Variants in KATNAL1 observed in about 807,000 individuals in gnomAD.
The protein encoded by KATNAL1 is katanin catalytic subunit A1 like 1, also known as katanin p60 ATPase-containing subunit A-like 1.
A neutral mutation model predicts 55.2 loss-of-function variants in KATNAL1; 32 were observed. The ratio of observed to expected loss-of-function variants is 0.58; its 90% CI spans 0.44 to 0.78. The LOEUF is 0.78. Among genes scored for constraint, KATNAL1 ranks in the 30% least tolerant of loss-of-function variants. KATNAL1 has a pLI of 0.00. For missense variants in KATNAL1, 466 were observed against 600.9 expected (o/e 0.78, Z 2.35); for synonymous variants, 193 against 193.6 (o/e 1.00, Z 0.02).
intron 3 of KATNAL1, among the ~76,000 whole-genome samples, chr13:30,257,141 A>G (rs542054573): frequency 2.0e-5 from 3 of 152,112 alleles, no homozygotes; most frequent in Admixed American, 2.0e-4. Flanking sequence ...AAATTGCTCT[A>G]TTTCTAGTAT....
chr13:30,257,180 A>T (rs1307821857), intron 3 of KATNAL1, among the ~76,000 whole-genome samples: 5 of 147,102 alleles, frequency 3.4e-5, no homozygotes, highest in Non-Finnish European at 7.5e-5. Context: ...TTTTGACCTA[A>T]TTTTTTTTTT....
chr13:30,219,732 G>T (rs1874658765), intron 9 of KATNAL1, among the ~76,000 whole-genome samples: 1 of 152,114 alleles, frequency 6.6e-6, no homozygotes. Flanking sequence ...ATGATCATAA[G>T]GTACACACCT....
intron 3 of KATNAL1, among the ~76,000 whole-genome samples, chr13:30,274,921 A>ACACC (rs1566122642): frequency 1.3e-5 from 2 of 148,228 alleles, no homozygotes; most frequent in African/African-American, 2.5e-5. Context: ...ACACACACAC[A>ACACC]CACACACACA....
intron 3 of KATNAL1, among the ~76,000 whole-genome samples, chr13:30,269,688 C>A (rs1050831766): frequency 6.6e-6 from 1 of 151,644 alleles, no homozygotes; most frequent in African/African-American, 2.4e-5. Context: ...CGGCCGCGAC[C>A]CCGTCTGGGA....
rs919382540 is a variant in KATNAL1, at chr13:30,204,432, G to C, written c.*4108C>G. ...TAGTCCTTCATTTTATCTCAAGTTAGGGTGGGGGGAAAGTGAATCACAGCT... is the reference window on the plus strand; with the variant it reads ...TAGTCCTTCATTTTATCTCAAGTTACGGTGGGGGGAAAGTGAATCACAGCT... On this transcript the variant is annotated 3_prime_UTR_variant, in exon 11 of 11. Coordinates refer to ENST00000380615, the MANE Select transcript of KATNAL1 (RefSeq NM_032116.5). 1.3e-5 allele frequency: 2 copies of C among 151,648 alleles called. No homozygotes were observed. Among genetic ancestry groups the C allele is most frequent in the African/African-American group, 4.8e-5 (2 of 41,310 alleles). 9.4% of individuals were successfully genotyped at this position (151,648 alleles called of 1,614,324 possible).
intron 9 of KATNAL1, among the ~76,000 whole-genome samples, chr13:30,214,276 T>C (rs533025314): frequency 4.8e-4 from 73 of 152,206 alleles, no homozygotes; most frequent in African/African-American, 1.7e-3. Flanking sequence ...TAAAAGAGGA[T>C]ACAAAGAAAT....
At chr13:30,234,952 C>T (rs1390157387) in intron 6 of KATNAL1, among the ~76,000 whole-genome samples, 2 of 152,118 alleles carry the variant, frequency 1.3e-5, no homozygotes, top group East Asian at 3.9e-4. Context: ...TAGTTTATGC[C>T]AACAAGACTA....
intron 4 of KATNAL1, among the ~76,000 whole-genome samples, chr13:30,252,050 T>C (rs888657255): frequency 6.6e-6 from 1 of 152,318 alleles, no homozygotes; most frequent in Non-Finnish European, 1.5e-5. Context: ...AAGAAGACAG[T>C]AAGCATTTTC....
intron 3 of KATNAL1, among the ~76,000 whole-genome samples, chr13:30,276,479 T>C (rs1342067424): frequency 2.0e-5 from 3 of 151,424 alleles, no homozygotes; most frequent in Admixed American, 6.6e-5. Context: ...CTGAAATGCT[T>C]TGTATAAAAC....
At chr13:30,242,986 C>A (rs188207096) in intron 4 of KATNAL1, among the ~76,000 whole-genome samples, 2 of 151,996 alleles carry the variant, frequency 1.3e-5, no homozygotes, top group African/African-American at 2.4e-5. Context: ...AAATGCAATA[C>A]CTAAAGGAAA....
intron 1 of KATNAL1, among the ~76,000 whole-genome samples, chr13:30,289,720 C>G (rs1284156004): frequency 6.6e-6 from 1 of 152,018 alleles, no homozygotes; most frequent in Non-Finnish European, 1.5e-5. Context: ...TTCATCTTTT[C>G]TTGTTTTGAC....
chr13:30,231,204 T>C (rs959262612), intron 7 of KATNAL1, 110 bp downstream of exon 7: 6 of 765,822 alleles, frequency 7.8e-6, no homozygotes, highest in African/African-American at 3.6e-5. Context: ...ACTATTAAAA[T>C]AGAACTACAC....
At chr13:30,296,660 T>C in intron 1 of KATNAL1, 2 of 671,860 alleles carry the variant, frequency 3.0e-6, no homozygotes, top group South Asian at 1.4e-5. Flanking sequence ...TTTGTCCTGC[T>C]GGCTGGAAGC....
rs143277319 is a variant in KATNAL1 at position 30,205,750 on chromosome 13, CTGTGTGTGTGTG to C, written c.*2778_*2789del. ...AACACACTGTCTTCTGCAATAAAGA[CTGTGTGTGTGTG>C]TGTGTGTGTGTGTGTGTGTGTGTGT... On this transcript the variant is annotated 3_prime_UTR_variant, in exon 11 of 11. Transcript: ENST00000380615. The C allele has an allele frequency of 1.8e-3, 249 of 137,506 alleles. 1 individual carries two copies. The highest frequency in any genetic ancestry group is 5.4e-3 in the African/African-American group (194 of 35,948). 8.5% of individuals were successfully genotyped at this position (137,506 alleles called of 1,614,324 possible).
chr13:30,222,914 G>A (rs1049324416), intron 9 of KATNAL1, among the ~76,000 whole-genome samples: 5 of 151,842 alleles, frequency 3.3e-5, no homozygotes, highest in East Asian at 1.9e-4. Flanking sequence ...ACAACATGGC[G>A]AAACCCCGTC....
At chr13:30,294,839 T>C (rs1033473120) in intron 1 of KATNAL1, among the ~76,000 whole-genome samples, 1 of 152,232 alleles carries the variant, frequency 6.6e-6, no homozygotes, top group African/African-American at 2.4e-5. Context: ...CATTTACTAA[T>C]ATGAAGATCC....
In KATNAL1 at chr13:30,208,480, G is replaced by T; in HGVS notation, c.*60C>A. ...ATTCCAAACTTGTTTTTTAAAAATTGCAGGAATTTCTTCGTATTTTATCAA... is the reference window on the plus strand; with the variant it reads ...ATTCCAAACTTGTTTTTTAAAAATTTCAGGAATTTCTTCGTATTTTATCAA... On this transcript the variant is annotated 3_prime_UTR_variant, in exon 11 of 11. Transcript: ENST00000380615. 7.3e-7 allele frequency: 1 copy of T among 1,361,530 alleles called. No homozygotes were observed. The highest frequency in any genetic ancestry group is 9.8e-7 in the Non-Finnish European group (1 of 1,023,672). The allele number at this position is 1,361,530 out of a possible 1,614,324, so 84.3% of individuals were successfully genotyped here.
At chr13:30,259,243 G>A (rs1177374546) in intron 3 of KATNAL1, among the ~76,000 whole-genome samples, 1 of 152,134 alleles carries the variant, frequency 6.6e-6, no homozygotes, top group Admixed American at 6.5e-5. Flanking sequence ...AGGAGGCTGA[G>A]GCAGGAGAAT....
chr13:30,280,683 G>A (rs1174081644), intron 2 of KATNAL1, among the ~76,000 whole-genome samples: 1 of 152,134 alleles, frequency 6.6e-6, no homozygotes, highest in African/African-American at 2.4e-5. Context: ...CTGAAAGCTA[G>A]AAGCAGTATT....
Sources: allele counts gnomAD v4.1 joint callset (sites outside exome capture counted in the v4.1 genomes callset), GRCh38; gene constraint gnomAD v4.1.1; transcripts MANE v1.5; gene names NCBI Gene and HGNC (gene_info 2026-07-23, HGNC 2026-07-21).